The following CPSF2 variants were observed in gnomAD, a reference collection of about 807,000 sequenced individuals.
CPSF2 encodes the protein cleavage and polyadenylation specificity factor subunit 2.
In CPSF2, 51 loss-of-function variants were observed where a neutral mutation model predicts 84.2. That is an observed-to-expected ratio of 0.61 (90% CI 0.48 to 0.77). CPSF2 has a LOEUF of 0.77. CPSF2 is among the 30% of genes least tolerant of loss of function. CPSF2 has a pLI of 0.00. For synonymous variants in CPSF2, 286 were observed against 311.9 expected, an observed-to-expected ratio of 0.92 and a Z score of 0.87; for missense variants, 641 against 929.4, an observed-to-expected ratio of 0.69 and a Z score of 4.03.
At chr14:92,147,094 A>G (rs2069153583) in intron 9 of CPSF2, among the ~76,000 whole-genome samples, 1 of 152,120 alleles carries the variant, frequency 6.6e-6, no homozygotes, top group South Asian at 2.1e-4. Flanking sequence ...CCCACCATCA[A>G]CTAGAATATG....
intron 9 of CPSF2, among the ~76,000 whole-genome samples, chr14:92,149,897 C>T (rs1019992368): frequency 2.0e-5 from 3 of 152,022 alleles, no homozygotes; most frequent in Non-Finnish European, 4.4e-5. Context: ...CTTTGTGATC[C>T]GTCTGCCTCA....
At chr14:92,145,604 G>A (rs1006397837) in intron 9 of CPSF2, among the ~76,000 whole-genome samples, 7 of 152,156 alleles carry the variant, frequency 4.6e-5, no homozygotes, top group Non-Finnish European at 7.3e-5. Flanking sequence ...GGGTTATTTA[G>A]TAGCTCAGAA....
chr14:92,124,595 G>A (rs2141446953), intron 1 of CPSF2, among the ~76,000 whole-genome samples: 1 of 152,304 alleles, frequency 6.6e-6, no homozygotes, highest in Middle Eastern at 3.4e-3. Flanking sequence ...ACAACATGAT[G>A]CTCTATAGTG....
At chr14:92,136,535 T>A (rs2141458978) in intron 6 of CPSF2, among the ~76,000 whole-genome samples, 1 of 152,280 alleles carries the variant, frequency 6.6e-6, no homozygotes, top group South Asian at 2.1e-4. Context: ...AGCAGTAATG[T>A]GAACCTGTGA....
intron 6 of CPSF2, among the ~76,000 whole-genome samples, chr14:92,137,125 G>A (rs1198124199): frequency 6.6e-6 from 1 of 151,938 alleles, no homozygotes; most frequent in Non-Finnish European, 1.5e-5. Context: ...TATACCAGTT[G>A]CAAGATGGAC....
rs751444960 is a variant in CPSF2, at chr14:92,143,246, A to C, written c.1092A>C (p.Leu364Phe). 9.9e-6 allele frequency: 16 copies of C among 1,612,672 alleles called. No individual in the cohort carries two copies. Among genetic ancestry groups the C allele is most frequent in the Non-Finnish European group, 1.4e-5 (16 of 1,179,172 alleles). Residue 364 changes from leucine to phenylalanine, a missense_variant, in exon 9 of 16, where the codon TTA (leucine) becomes TTC (phenylalanine). Coordinates refer to ENST00000298875, the MANE Select transcript of CPSF2 (RefSeq NM_017437.3). Reference protein sequence around the residue: ...ILTYRTTPGTLARFLIDNPSE... With the variant: ...ILTYRTTPGTFARFLIDNPSE... ...CCTACAGAACTACTCCTGGGACTTT[A>C]GCACGTTTCCTAATTGATAATCCTT... is the stretch of plus-strand genomic sequence containing the variant.
intron 9 of CPSF2, among the ~76,000 whole-genome samples, chr14:92,145,907 A>G (rs896793086): frequency 1.3e-5 from 2 of 152,172 alleles, no homozygotes; most frequent in Non-Finnish European, 2.9e-5. Context: ...GTTCTTTTGC[A>G]GTTATCCCTC....
intron 2 of CPSF2, among the ~76,000 whole-genome samples, chr14:92,126,432 G>C (rs2068846324): frequency 6.6e-6 from 1 of 152,154 alleles, no homozygotes; most frequent in Non-Finnish European, 1.5e-5. Flanking sequence ...CTTTTTGACA[G>C]GGATAATTTC....
intron 3 of CPSF2, among the ~76,000 whole-genome samples, chr14:92,131,389 A>G (rs2068926403): frequency 6.6e-6 from 1 of 152,252 alleles, no homozygotes. Flanking sequence ...TAATTTTTGG[A>G]AAGAACAAGA....
At chr14:92,126,389 C>G (rs895421636) in intron 2 of CPSF2, among the ~76,000 whole-genome samples, 25 of 152,194 alleles carry the variant, frequency 1.6e-4, no homozygotes, top group African/African-American at 6.0e-4. Context: ...AAGAGTTTCC[C>G]TTAGGCCATT....
chr14:92,139,944 A>G (rs1223470466), intron 7 of CPSF2, among the ~76,000 whole-genome samples: 1 of 146,494 alleles, frequency 6.8e-6, no homozygotes, highest in Non-Finnish European at 1.5e-5. Context: ...CTTTAAAAGT[A>G]CAACTATTTT....
At chr14:92,149,760 AT>A (rs2069188095) in intron 9 of CPSF2, among the ~76,000 whole-genome samples, 1 of 151,846 alleles carries the variant, frequency 6.6e-6, no homozygotes, top group African/African-American at 2.4e-5. Context: ...GGTTCAAGTG[AT>A]TCTCCTGCTT....
chr14:92,136,753 G>A (rs144828334), intron 6 of CPSF2, among the ~76,000 whole-genome samples: 1,838 of 152,232 alleles, frequency 0.012, 58 homozygotes, highest in Admixed American at 0.067. Flanking sequence ...CAGTCTCGTA[G>A]TAACCGTGGC....
chr14:92,158,700 A>T (rs1327589794), intron 13 of CPSF2, among the ~76,000 whole-genome samples: 2 of 152,140 alleles, frequency 1.3e-5, no homozygotes, highest in African/African-American at 4.8e-5. Context: ...CTTACCAGTT[A>T]TGTTAGAAAC....
chr14:92,170,802 G>C lies in CPSF2; in HGVS notation c.*9058G>C, dbSNP rs191207636. On this transcript the variant is annotated 3_prime_UTR_variant, in exon 16 of 16. Transcript: ENST00000298875. The stretch of plus-strand genomic sequence containing the variant: ...TGTCTTCTTCTCTGCATTGTATCAG[G>C]AGGCACATCATGTCAATTTTTTCCA... The C allele has an allele frequency of 7.6e-4, 116 of 152,298 alleles. No homozygotes were observed. Among genetic ancestry groups the C allele is most frequent in the African/African-American group, 2.7e-3 (113 of 41,558 alleles). The allele number at this position is 152,298 out of a possible 1,614,324, so 9.4% of individuals were successfully genotyped here.
At chr14:92,161,628 G>T (rs371469372) in intron 15 of CPSF2, 24 bp from the exon 16 acceptor site, 13 of 1,528,034 alleles carry the variant, frequency 8.5e-6, no homozygotes, top group African/African-American at 2.8e-5. Context: ...ATGTACTAAA[G>T]AATTTTTTTT....
Position 92,167,164 on chromosome 14 carries a change from A to AC in CPSF2, c.*5422dup, listed in dbSNP as rs1185996599. The AC allele has an allele frequency of 1.3e-5, 2 of 151,852 alleles. No homozygotes were observed. Among genetic ancestry groups the AC allele is most frequent in the Admixed American group, 1.3e-4 (2 of 15,240 alleles). 9.4% of individuals were successfully genotyped at this position (151,852 alleles called of 1,614,324 possible). On this transcript the variant is annotated 3_prime_UTR_variant, in exon 16 of 16. Transcript: ENST00000298875. ...GTAGTTAGGACTACAGGCGCGTGCC[A>AC]CCATGCCAGGCTAATTTTTGTATTT...
In CPSF2 at chr14:92,134,169, A is replaced by G. The variant is rs2068969867; in HGVS notation, c.308A>G (p.Gln103Arg). 1 of 1,613,804 alleles carries G rather than the reference A, an allele frequency of 6.2e-7. No homozygotes were observed. The highest frequency in any genetic ancestry group is 8.5e-7 in the Non-Finnish European group (1 of 1,179,806). ...CAGATGTTCATGTATGATCTTTATC[A>G]GGTAATTTAAGCAATTAAAAAAATT... is the stretch of plus-strand genomic sequence containing the variant. ...MGQMFMYDLY[Q>R]SRHNTEDFTL... The change falls in exon 4 of 16, where the codon CAG becomes CGG. Residue 103 changes from glutamine (Q) to arginine (R), a missense_variant and splice_region_variant. Transcript: ENST00000298875.
intron 9 of CPSF2, among the ~76,000 whole-genome samples, chr14:92,146,794 A>C (rs1567022308): frequency 6.6e-6 from 1 of 152,290 alleles, no homozygotes; most frequent in Middle Eastern, 3.4e-3. Flanking sequence ...CTTAGATCCC[A>C]TATGATCTAA....
Sources: allele counts gnomAD v4.1 joint callset (sites outside exome capture counted in the v4.1 genomes callset), GRCh38; gene constraint gnomAD v4.1.1; transcripts MANE v1.5; gene names NCBI Gene and HGNC (gene_info 2026-07-23, HGNC 2026-07-21).